EHBP1: variants seen among roughly 807,000 people sequenced by gnomAD.
EHBP1 encodes EH domain-binding protein 1.
In EHBP1, 55 loss-of-function variants were observed where a neutral mutation model predicts 144.0. The observed-to-expected ratio is 0.38, with a 90% CI of 0.31 to 0.48. The LOEUF (loss-of-function observed/expected upper bound fraction) is 0.48, where lower values mean the gene tolerates loss of function less well. Among genes scored for constraint, EHBP1 ranks in the 20% least tolerant of loss-of-function variants. EHBP1 has a pLI of 0.98. For synonymous variants in EHBP1, 469 were observed against 472.7 expected (o/e 0.99, Z 0.10); for missense variants, 1,200 against 1,364.2 (o/e 0.88, Z 1.90).
At chr2:62,942,252 G>A (rs1170866255) in intron 10 of EHBP1, among the ~76,000 whole-genome samples, 2 of 152,092 alleles carry the variant, frequency 1.3e-5, no homozygotes, top group East Asian at 3.8e-4. Context: ...TATGATTACT[G>A]TATTTTTAAA....
At chr2:62,959,177 G>A (rs1037961901) in intron 14 of EHBP1, among the ~76,000 whole-genome samples, 30 of 152,130 alleles carry the variant, frequency 2.0e-4, no homozygotes, top group African/African-American at 6.8e-4. Flanking sequence ...TGTCATCAAG[G>A]CTCATCTATG....
chr2:62,987,900 A>C (rs1464137343), intron 15 of EHBP1: 2 of 1,156,606 alleles, frequency 1.7e-6, no homozygotes. Context: ...TATAAATAAT[A>C]TACTAACATT....
chr2:62,851,166 G>A (rs1010207093), intron 7 of EHBP1, among the ~76,000 whole-genome samples: 7 of 152,080 alleles, frequency 4.6e-5, no homozygotes, highest in Admixed American at 3.3e-4. Flanking sequence ...CTTCCCAAAC[G>A]CTGCCACCAT....
Position 62,993,911 on chromosome 2 carries a change from AG to A in EHBP1, c.2915del (p.Gly972GlufsTer8). On this transcript the variant is annotated frameshift_variant, in exon 18 of 23. Transcript: ENST00000431489. LOFTEE classifies it high-confidence loss of function. ...GATCAATACAGGAAGATACAAAGAA[AG>A]GAAATGAGGAGAAGGCAGCGATAAC... ...QRSIQEDTKK[G>X]NEEKAAITET... The A allele has an allele frequency of 6.3e-7, 1 of 1,596,458 alleles. No homozygotes were observed. The highest frequency in any genetic ancestry group is 1.1e-5 in the South Asian group (1 of 88,168).
intron 10 of EHBP1, among the ~76,000 whole-genome samples, chr2:62,936,130 A>G (rs1031010587): frequency 6.6e-6 from 1 of 152,154 alleles, no homozygotes; most frequent in Non-Finnish European, 1.5e-5. Context: ...AATGAGTTAG[A>G]GAATAAGCTC....
chr2:62,943,376 C>CAAAAAAAAAAAAAA (rs11306610), intron 11 of EHBP1, among the ~76,000 whole-genome samples: 8 of 87,858 alleles, frequency 9.1e-5, no homozygotes, highest in African/African-American at 2.8e-4. Flanking sequence ...AACTCCGTCT[C>CAAAAAAAAAAAAAA]AAAAAAAAAA....
At chr2:62,837,559 G>A (rs1366935171) in intron 7 of EHBP1, among the ~76,000 whole-genome samples, 1 of 151,942 alleles carries the variant, frequency 6.6e-6, no homozygotes, top group Non-Finnish European at 1.5e-5. Context: ...TGGATAAAGA[G>A]TCAAGATCCA....
At chr2:62,980,024 T>G (rs1055938009) in intron 15 of EHBP1, among the ~76,000 whole-genome samples, 1 of 152,202 alleles carries the variant, frequency 6.6e-6, no homozygotes, top group Non-Finnish European at 1.5e-5. Context: ...TATAACCTAC[T>G]TATCTACTAA....
chr2:62,902,193 T>C (rs543005831), intron 10 of EHBP1, among the ~76,000 whole-genome samples: 7 of 152,286 alleles, frequency 4.6e-5, no homozygotes, highest in South Asian at 2.1e-4. Flanking sequence ...CTCCATTTGT[T>C]GAATTCAGGA....
intron 7 of EHBP1, among the ~76,000 whole-genome samples, chr2:62,847,742 A>G (rs2048394047): frequency 1.3e-5 from 2 of 152,206 alleles, no homozygotes; most frequent in Admixed American, 1.3e-4. Context: ...CAAAGCATAT[A>G]TCTGTCACAG....
chr2:62,676,481 C>G (rs939321919), intron 1 of EHBP1, among the ~76,000 whole-genome samples: 3 of 152,204 alleles, frequency 2.0e-5, no homozygotes, highest in Non-Finnish European at 4.4e-5. Context: ...TGATGGTCAC[C>G]TAATTTGATT....
intron 10 of EHBP1, among the ~76,000 whole-genome samples, chr2:62,935,253 C>T (rs1042986310): frequency 1.3e-5 from 2 of 149,248 alleles, no homozygotes; most frequent in Non-Finnish European, 3.0e-5. Context: ...CCGGTGAACC[C>T]GGGAGACAGA....
chr2:62,857,135 T>C (rs2049124537), intron 7 of EHBP1, among the ~76,000 whole-genome samples: 1 of 152,202 alleles, frequency 6.6e-6, no homozygotes, highest in African/African-American at 2.4e-5. Flanking sequence ...AACTTCCTAA[T>C]TTTAGCCCAG....
chr2:62,907,979 G>T (rs575274125), intron 10 of EHBP1, among the ~76,000 whole-genome samples: 7 of 152,304 alleles, frequency 4.6e-5, no homozygotes, highest in Non-Finnish European at 8.8e-5. Context: ...TGTCACACGA[G>T]AAGAAAGGAA....
At chr2:62,861,321 G>A (rs1015143136) in intron 8 of EHBP1, among the ~76,000 whole-genome samples, 1 of 151,100 alleles carries the variant, frequency 6.6e-6, no homozygotes, top group African/African-American at 2.4e-5. Flanking sequence ...GTAGAGATGA[G>A]GTTTCGCCAT....
At chr2:62,956,689 A>G (rs1248113430) in intron 14 of EHBP1, among the ~76,000 whole-genome samples, 1 of 51,860 alleles carries the variant, frequency 1.9e-5, no homozygotes, top group Non-Finnish European at 3.8e-5. Context: ...CTACTTACAG[A>G]AAAAAAAAAA....
At chr2:62,969,782 G>C (rs1044799316) in intron 14 of EHBP1, among the ~76,000 whole-genome samples, 40 of 152,002 alleles carry the variant, frequency 2.6e-4, no homozygotes, top group African/African-American at 8.9e-4. Flanking sequence ...TTCTTTCTTT[G>C]TTAGAGAAGC....
At chr2:62,917,884 G>A (rs921350092) in intron 10 of EHBP1, among the ~76,000 whole-genome samples, 1 of 151,648 alleles carries the variant, frequency 6.6e-6, no homozygotes, top group East Asian at 1.9e-4. Flanking sequence ...TAGTTTTTAG[G>A]AACTATTGTG....
At position 62,693,914 on chromosome 2, in the gene EHBP1, A is replaced by G. The variant is rs1300389535; in HGVS notation, c.-295-12983A>G. 2.0e-5 allele frequency among the ~76,000 whole-genome samples: 3 copies of G among 152,132 alleles called. No individual in the cohort carries two copies. The East Asian group carries it at 5.8e-4, about 29-fold the overall frequency. On this transcript the variant is annotated intron_variant, in intron 1 of 22. Coordinates refer to the EHBP1 transcript ENST00000405015. Reference sequence around the variant, plus strand: ...CTTGATGGTGTCTTTGAGGTATAAGATTTTAAAATTTTGATGAAGTCCAGT... The same window carrying G: ...CTTGATGGTGTCTTTGAGGTATAAGGTTTTAAAATTTTGATGAAGTCCAGT...
Sources: allele counts gnomAD v4.1 joint callset (sites outside exome capture counted in the v4.1 genomes callset), GRCh38; gene constraint gnomAD v4.1.1; transcripts MANE v1.5; gene names NCBI Gene and HGNC (gene_info 2026-07-23, HGNC 2026-07-21).